Variants in DAB1 observed in about 807,000 individuals in gnomAD.
DAB1 encodes DAB adaptor protein 1.
In DAB1, 15 loss-of-function variants were observed where a neutral mutation model predicts 64.6. The observed-to-expected ratio is 0.23, with a 90% CI of 0.16 to 0.36. The LOEUF is 0.36. Among genes scored for constraint, DAB1 ranks in the 10% least tolerant of loss-of-function variants. The pLI, the probability that DAB1 is intolerant of heterozygous loss-of-function variation, is 1.00. For missense variants in DAB1, 596 were observed against 706.7 expected, an observed-to-expected ratio of 0.84 and a Z score of 1.78; for synonymous variants, 235 against 251.9, an observed-to-expected ratio of 0.93 and a Z score of 0.64.
chr1:57,614,095 A>T (rs1006406952), intron 7 of DAB1, among the ~76,000 whole-genome samples: 2 of 152,194 alleles, frequency 1.3e-5, no homozygotes, highest in African/African-American at 4.8e-5. Context: ...GTATGTGCCC[A>T]TCGAAAGGGG....
At chr1:57,709,590 A>G (rs1363671897) in intron 6 of DAB1, among the ~76,000 whole-genome samples, 2 of 152,154 alleles carry the variant, frequency 1.3e-5, no homozygotes, top group East Asian at 3.9e-4. Flanking sequence ...AATAGGTGAA[A>G]GAAAAAAAAG....
chr1:58,340,318 T>G (rs555000479), intron 4 of DAB1, among the ~76,000 whole-genome samples: 21 of 152,196 alleles, frequency 1.4e-4, no homozygotes, highest in Admixed American at 3.9e-4. Flanking sequence ...AACAGTAGAG[T>G]AGCAGGAATG....
At chr1:58,153,332 A>G (rs755157058) in intron 4 of DAB1, among the ~76,000 whole-genome samples, 4 of 152,194 alleles carry the variant, frequency 2.6e-5, no homozygotes, top group Non-Finnish European at 5.9e-5. Context: ...AAGCCCTGGA[A>G]CACAAAGGAA....
chr1:58,341,480 G>A (rs1447327484), intron 4 of DAB1, among the ~76,000 whole-genome samples: 3 of 152,058 alleles, frequency 2.0e-5, no homozygotes, highest in African/African-American at 4.8e-5. Context: ...AAAGAACCTT[G>A]GAGTTTACAC....
intron 4 of DAB1, among the ~76,000 whole-genome samples, chr1:58,254,543 C>A (rs1481508063): frequency 3.2e-4 from 31 of 97,862 alleles, no homozygotes; most frequent in Non-Finnish European, 5.8e-4. Context: ...TCCCTCCCCC[C>A]TCCCCCCACC....
chr1:57,888,407 T>C (rs1001223729), upstream of DAB1, among the ~76,000 whole-genome samples: 17 of 152,196 alleles, frequency 1.1e-4, no homozygotes, highest in Admixed American at 1.1e-3. Flanking sequence ...TTCTATATTG[T>C]ATTTCCCAGG....
intron 5 of DAB1, among the ~76,000 whole-genome samples, chr1:57,971,539 A>C (rs1645796216): frequency 6.6e-6 from 1 of 152,232 alleles, no homozygotes; most frequent in Non-Finnish European, 1.5e-5. Flanking sequence ...GCCAGTTGTT[A>C]AACTCTTTGA....
chr1:58,443,524 T>C (rs374067204), intron 3 of DAB1, among the ~76,000 whole-genome samples: 66 of 152,158 alleles, frequency 4.3e-4, no homozygotes, highest in African/African-American at 1.5e-3. Flanking sequence ...ACTGGCAAAA[T>C]CCAAATAAAG....
chr1:57,048,579 C>G (rs1033983202), intron 9 of DAB1, among the ~76,000 whole-genome samples: 1 of 152,182 alleles, frequency 6.6e-6, no homozygotes, highest in African/African-American at 2.4e-5. Flanking sequence ...CACGTAATAA[C>G]GAGTGGATTA....
At chr1:57,012,126 G>T (rs1399259485) in intron 12 of DAB1, among the ~76,000 whole-genome samples, 1 of 152,132 alleles carries the variant, frequency 6.6e-6, no homozygotes, top group Non-Finnish European at 1.5e-5. Context: ...CTGGTTACTG[G>T]CTAAGACCCA....
intron 3 of DAB1, among the ~76,000 whole-genome samples, chr1:58,408,093 C>T (rs1273018718): frequency 6.6e-6 from 1 of 152,190 alleles, no homozygotes; most frequent in East Asian, 1.9e-4. Flanking sequence ...ATGCATTTCT[C>T]CAGCCCCATT....
intron 3 of DAB1, among the ~76,000 whole-genome samples, chr1:58,407,547 G>T (rs1244065719): frequency 6.6e-6 from 1 of 152,144 alleles, no homozygotes; most frequent in Non-Finnish European, 1.5e-5. Context: ...ATGGCCTCTG[G>T]TGAGTAGAAG....
intron 3 of DAB1, among the ~76,000 whole-genome samples, chr1:58,505,644 C>T (rs2100415602): frequency 6.6e-6 from 1 of 152,214 alleles, no homozygotes; most frequent in East Asian, 1.9e-4. Context: ...AGTACCACTA[C>T]TACAATTAAT....
intron 6 of DAB1, among the ~76,000 whole-genome samples, chr1:57,762,096 G>T (rs1649113607): frequency 6.6e-6 from 1 of 152,064 alleles, no homozygotes; most frequent in Admixed American, 6.6e-5. Context: ...GGTCCTAAAA[G>T]GTAGTGATAG....
intron 2 of DAB1, among the ~76,000 whole-genome samples, chr1:58,518,147 T>C (rs919979146): frequency 9.8e-5 from 14 of 142,708 alleles, no homozygotes; most frequent in African/African-American, 3.4e-4. Context: ...GATCGCGCCA[T>C]TGCACTCCAG....
intron 4 of DAB1, among the ~76,000 whole-genome samples, chr1:57,084,099 A>G (rs2100637085): frequency 6.6e-6 from 1 of 152,316 alleles, no homozygotes; most frequent in East Asian, 1.9e-4. Flanking sequence ...TTGAAGTCCT[A>G]AACTCCAGTA....
intron 1 of DAB1, among the ~76,000 whole-genome samples, chr1:57,369,345 T>G (rs1444852940): frequency 6.6e-6 from 1 of 152,228 alleles, no homozygotes; most frequent in Admixed American, 6.5e-5. Context: ...AGTATCAAGA[T>G]ATACATTCAA....
intron 2 of DAB1, among the ~76,000 whole-genome samples, chr1:57,286,831 C>T (rs1239704640): frequency 3.3e-5 from 5 of 152,084 alleles, no homozygotes. Flanking sequence ...CTTAACCTAA[C>T]GAATCAAACC....
intron 4 of DAB1, among the ~76,000 whole-genome samples, chr1:58,340,151 AC>A (rs1275324288): frequency 6.6e-6 from 1 of 152,164 alleles, no homozygotes; most frequent in Non-Finnish European, 1.5e-5. Context: ...TTCTATACAG[AC>A]TTTTTATTTT....
Sources: gnomAD v4.1 joint callset for allele counts (sites outside exome capture counted in the v4.1 genomes callset) on GRCh38, gnomAD v4.1.1 for gene constraint, MANE v1.5 for transcripts, NCBI Gene and HGNC (gene_info 2026-07-23, HGNC 2026-07-21) for gene names.